SLC2A9: variants seen among roughly 807,000 people sequenced by gnomAD.
The protein encoded by SLC2A9 is solute carrier family 2, facilitated glucose transporter member 9.
SLC2A9 carries 39 observed loss-of-function variants against 50.6 expected under a neutral mutation model. The observed-to-expected ratio is 0.77, with a 90% confidence interval of 0.60 to 1.01. The LOEUF is 1.01. Ranked by LOEUF, SLC2A9 falls within the 50% of genes least tolerant of loss-of-function variation. The pLI, the probability that SLC2A9 is intolerant of heterozygous loss-of-function variation, is 0.00. For synonymous variants in SLC2A9, 324 were observed against 276.9 expected (o/e 1.17, Z -1.69); for missense variants, 686 against 677.6 (o/e 1.01, Z -0.14).
intron 11 of SLC2A9, among the ~76,000 whole-genome samples, chr4:9,827,195 C>A (rs1354298407): frequency 3.9e-5 from 6 of 152,192 alleles, no homozygotes; most frequent in Non-Finnish European, 7.3e-5. Flanking sequence ...ACTAGAATAA[C>A]CCTGCCAACT....
chr4:9,879,336 A>G, intron 10 of SLC2A9: 1 of 985,102 alleles, frequency 1.0e-6, no homozygotes, highest in Non-Finnish European at 1.2e-6. Context: ...GCACATGCAA[A>G]GGCTGAGACC....
At chr4:9,829,527 T>C (rs183387630) in intron 11 of SLC2A9, among the ~76,000 whole-genome samples, 1 of 149,376 alleles carries the variant, frequency 6.7e-6, no homozygotes, top group African/African-American at 2.5e-5. Flanking sequence ...GGGATCTAAT[T>C]AAACTAAAGA....
Position 9,826,276 on chromosome 4 carries a change from T to C in SLC2A9, c.*121A>G. Reference sequence around the variant, plus strand: ...TATTTAATAATATAAAAGACTTGCATAGCTTCAATTCATTTAAGCTTCCCA... The same window carrying C: ...TATTTAATAATATAAAAGACTTGCACAGCTTCAATTCATTTAAGCTTCCCA... On this transcript the variant is annotated 3_prime_UTR_variant, in exon 12 of 12. Coordinates refer to ENST00000264784, the MANE Select transcript of SLC2A9 (RefSeq NM_020041.3). 1 of 928,534 alleles carries C rather than the reference T, an allele frequency of 1.1e-6. No individual in the cohort carries two copies. Among genetic ancestry groups the C allele is most frequent in the Non-Finnish European group, 1.7e-6 (1 of 571,704 alleles). 57.5% of individuals were successfully genotyped at this position (928,534 alleles called of 1,614,324 possible).
At chr4:9,932,859 T>C (rs548782362) in intron 6 of SLC2A9, among the ~76,000 whole-genome samples, 1 of 152,316 alleles carries the variant, frequency 6.6e-6, no homozygotes, top group Non-Finnish European at 1.5e-5. Context: ...CAGAGTCCTG[T>C]TAGATTCCAG....
chr4:9,856,171 A>T (rs1730680585), intron 10 of SLC2A9, among the ~76,000 whole-genome samples: 1 of 152,236 alleles, frequency 6.6e-6, no homozygotes, highest in Admixed American at 6.5e-5. Context: ...AACAGAGTAA[A>T]CATACAACCC....
At chr4:9,782,828 G>C (rs568196155) in intron 3 of SLC2A9, 2 of 1,613,364 alleles carry the variant, frequency 1.2e-6, no homozygotes, top group East Asian at 4.5e-5. Flanking sequence ...GAGGGCCGCA[G>C]AGCACGCGCA....
At chr4:9,976,430 TTC>T (rs1475314916) in intron 5 of SLC2A9, among the ~76,000 whole-genome samples, 1 of 152,208 alleles carries the variant, frequency 6.6e-6, no homozygotes, top group African/African-American at 2.4e-5. Context: ...GAAAATGAAA[TTC>T]TGACACTTAG....
At chr4:9,866,463 G>C (rs528933240) in intron 10 of SLC2A9, among the ~76,000 whole-genome samples, 1 of 149,660 alleles carries the variant, frequency 6.7e-6, no homozygotes, top group African/African-American at 2.5e-5. Flanking sequence ...CATGGAGTTT[G>C]CTTCCTTCCT....
intron 10 of SLC2A9, among the ~76,000 whole-genome samples, chr4:9,844,584 C>T (rs530446138): frequency 1.4e-4 from 22 of 152,328 alleles, no homozygotes; most frequent in Admixed American, 1.4e-3. Flanking sequence ...TCATATGAGA[C>T]TTACTTTTTG....
intron 3 of SLC2A9, among the ~76,000 whole-genome samples, chr4:9,817,613 G>A (rs535094460): frequency 2.6e-5 from 4 of 152,186 alleles, no homozygotes; most frequent in East Asian, 1.9e-4. Flanking sequence ...TGTTTAAAAC[G>A]TGTTTTAGAA....
chr4:9,822,873 G>T (rs900882439), downstream of SLC2A9, among the ~76,000 whole-genome samples: 1 of 152,116 alleles, frequency 6.6e-6, no homozygotes, highest in Non-Finnish European at 1.5e-5. Flanking sequence ...AAGGGATCGA[G>T]GCAGGAGATG....
intron 3 of SLC2A9, among the ~76,000 whole-genome samples, chr4:9,992,505 C>T (rs1757885371): frequency 6.6e-6 from 1 of 152,228 alleles, no homozygotes. Flanking sequence ...GATGAGGCAA[C>T]ATTGCCCTCT....
intron 3 of SLC2A9, among the ~76,000 whole-genome samples, chr4:9,819,319 T>C (rs933215945): frequency 6.6e-6 from 1 of 152,190 alleles, no homozygotes; most frequent in Non-Finnish European, 1.5e-5. Flanking sequence ...GAGTTCCCAC[T>C]GCTCCAAATT....
chr4:9,795,159 C>T (rs540315305), downstream of SLC2A9, among the ~76,000 whole-genome samples: 6 of 152,004 alleles, frequency 3.9e-5, no homozygotes, highest in South Asian at 6.3e-4. Context: ...TACAGGTGCA[C>T]GCCCCCACAC....
chr4:10,008,178 C>T (rs1041323779), intron 2 of SLC2A9, among the ~76,000 whole-genome samples: 1 of 152,212 alleles, frequency 6.6e-6, no homozygotes, highest in Admixed American at 6.5e-5. Flanking sequence ...AGTTCCTTTC[C>T]CCATTTGGCT....
chr4:9,825,183 T>G (rs560895400), downstream of SLC2A9, among the ~76,000 whole-genome samples: 52 of 152,344 alleles, frequency 3.4e-4, 2 homozygotes, highest in Admixed American at 1.2e-3. Flanking sequence ...CGTTTTTTCA[T>G]TTTAGAAGCA....
At chr4:9,940,766 T>C (rs34658962) in intron 6 of SLC2A9, among the ~76,000 whole-genome samples, 9,413 of 152,290 alleles carry the variant, frequency 0.062, 804 homozygotes, top group East Asian at 0.46. Context: ...TAGGTAATTG[T>C]TAATATTTCA....
At chr4:9,791,678 A>G (rs1346452800) in intron 3 of SLC2A9, among the ~76,000 whole-genome samples, 2 of 152,158 alleles carry the variant, frequency 1.3e-5, no homozygotes, top group Non-Finnish European at 2.9e-5. Flanking sequence ...GGAGTGTCTG[A>G]CCAAGAGCCA....
chr4:9,848,712 T>C (rs556599260), intron 10 of SLC2A9, among the ~76,000 whole-genome samples: 56 of 151,424 alleles, frequency 3.7e-4, no homozygotes, highest in Middle Eastern at 3.4e-3. Context: ...TTTTTTTTTT[T>C]TTTTGGAGAC....
Sources: gnomAD v4.1 joint callset for allele counts (sites outside exome capture counted in the v4.1 genomes callset) on GRCh38, gnomAD v4.1.1 for gene constraint, MANE v1.5 for transcripts, NCBI Gene and HGNC (gene_info 2026-07-23, HGNC 2026-07-21) for gene names.